The following CCNG1 variants were observed in gnomAD, a reference collection of about 807,000 sequenced individuals.
CCNG1 encodes the protein cyclin G1, also known as cyclin-G1.
CCNG1 carries 13 observed loss-of-function variants against 30.0 expected under a neutral mutation model. The observed-to-expected ratio is 0.43, with a 90% CI of 0.28 to 0.69. The LOEUF is 0.69. CCNG1 is among the 30% of genes least tolerant of loss of function. The probability of loss-of-function intolerance (pLI) is 0.16; values close to 1 mark genes in which losing one functional copy is unlikely to be tolerated. For synonymous variants in CCNG1, 110 were observed against 121.5 expected, an observed-to-expected ratio of 0.91 and a Z score of 0.62; for missense variants, 285 against 331.4, an observed-to-expected ratio of 0.86 and a Z score of 1.09.
chr5:163,440,085 C>A (rs1045848091), intron 2 of CCNG1, among the ~76,000 whole-genome samples: 1 of 151,468 alleles, frequency 6.6e-6, no homozygotes, highest in Non-Finnish European at 1.5e-5. Flanking sequence ...TTAACTGTTA[C>A]AAATGCATCT....
chr5:163,451,367 T>C, the CCNG1 span: 1 of 152,168 alleles, frequency 6.6e-6, no homozygotes, highest in Non-Finnish European at 1.5e-5. Context: ...GATCAGTGGT[T>C]TCCAAGGTTT....
the CCNG1 span, chr5:163,453,975 C>A: frequency 6.5e-7 from 1 of 1,528,728 alleles, no homozygotes; most frequent in Non-Finnish European, 8.8e-7. Flanking sequence ...AGTTATTTCT[C>A]AAGGTTTGAG....
rs1286219277 is a variant in CCNG1, at chr5:163,439,276, C to A, written c.20C>A (p.Thr7Lys). Residue 7 changes from threonine to lysine, a missense_variant, in exon 2 of 7, where the codon ACA becomes AAA. Physicochemically the swap from Thr to Lys is moderately conservative, Grantham distance 78. Transcript: ENST00000340828. MIEVLT[T>K]TDSQKLLHQL... ...ATATAGATGATAGAGGTACTGACAA[C>A]AACTGACTCTCAGAAACTGCTACAC... The A allele has an allele frequency of 6.2e-7, 1 of 1,613,462 alleles. No homozygotes were observed. Among genetic ancestry groups the A allele is most frequent in the East Asian group, 2.2e-5 (1 of 44,882 alleles).
the CCNG1 span, among the ~76,000 whole-genome samples, chr5:163,456,618 C>G: frequency 6.6e-6 from 1 of 152,004 alleles, no homozygotes; most frequent in Admixed American, 6.6e-5. Flanking sequence ...GTGAAGGGGC[C>G]TTTCACTTTT....
At chr5:163,441,616 ATATT>A in intron 3 of CCNG1, 1 of 478,852 alleles carries the variant, frequency 2.1e-6, no homozygotes, top group Non-Finnish European at 3.6e-6. Flanking sequence ...GGATGTTGAA[ATATT>A]TATTAAAACT....
chr5:163,446,176 T>C (rs1256853001), downstream of CCNG1: 1 of 152,228 alleles, frequency 6.6e-6, no homozygotes, highest in East Asian at 1.9e-4. Flanking sequence ...TTAGACTTAT[T>C]TAATAATGTT....
Position 163,442,138 on chromosome 5 carries a change from T to C in CCNG1, c.691T>C (p.Ser231Pro). The change falls in exon 5 of 7, where the codon TCC becomes CCC. Residue 231 changes from serine (S) to proline (P), a missense_variant. Coordinates refer to ENST00000340828, the MANE Select transcript of CCNG1 (RefSeq NM_004060.4). ...AGGAATAGAATGTCTTCAGAAACAT[T>C]CCAAGGTATGTGAAGGACATAGCCT... ...TEGIECLQKH[S>P]KINGRDLTFW... 4 of 1,597,350 alleles carry C rather than the reference T, an allele frequency of 2.5e-6. No homozygotes were observed. Among genetic ancestry groups the C allele is most frequent in the Non-Finnish European group, 3.4e-6 (4 of 1,165,998 alleles).
downstream of CCNG1, chr5:163,447,995 T>C (rs1758081815): frequency 6.6e-6 from 1 of 152,004 alleles, no homozygotes; most frequent in Non-Finnish European, 1.5e-5. Flanking sequence ...GCTCCCACTT[T>C]AAGAAAGTAG....
chr5:163,439,630 C>G, intron 2 of CCNG1, 110 bp downstream of exon 2: 1 of 854,154 alleles, frequency 1.2e-6, no homozygotes, highest in Non-Finnish European at 1.8e-6. Flanking sequence ...CAGCACGTAG[C>G]CAAAACATTA....
intron 6 of CCNG1, among the ~76,000 whole-genome samples, chr5:163,442,851 T>C (rs922622284): frequency 1.3e-5 from 2 of 152,214 alleles, no homozygotes; most frequent in Admixed American, 6.5e-5. Flanking sequence ...ACTAAAATCA[T>C]GCTTTTTTTT....
downstream of CCNG1, chr5:163,450,432 T>C (rs967301209): frequency 6.6e-6 from 1 of 152,142 alleles, no homozygotes; most frequent in African/African-American, 2.4e-5. Flanking sequence ...TTACAAATCA[T>C]ATACCTGGTA....
In CCNG1 at chr5:163,439,389, C is replaced by T. The variant is rs1402166474; in HGVS notation, c.133C>T (p.Leu45Phe). 2 of 1,614,048 alleles carry T rather than the reference C, an allele frequency of 1.2e-6. No homozygotes were observed. Among genetic ancestry groups the T allele is most frequent in the East Asian group, 2.2e-5 (1 of 44,886 alleles). The part of the protein sequence containing the change: ...RLIESAHDNG[L>F]RMTARLRDFE... Reference sequence around the variant, plus strand: ...AATTGAGTCTGCACACGATAATGGCCTCAGAATGACTGCAAGACTAAGGGA... The same window carrying T: ...AATTGAGTCTGCACACGATAATGGCTTCAGAATGACTGCAAGACTAAGGGA... Residue 45 changes from leucine to phenylalanine, a missense_variant, in exon 2 of 7, where the codon CTC becomes TTC. Leu to Phe is a conservative substitution (Grantham distance 22). Transcript: ENST00000340828.
At position 163,444,738 on chromosome 5, in the gene CCNG1, C is replaced by T. The variant is rs973401967; in HGVS notation, c.*1068C>T. 6.6e-6 allele frequency: 1 copy of T among 152,598 alleles called. No homozygotes were observed. The highest frequency in any genetic ancestry group is 2.4e-5 in the African/African-American group (1 of 41,448). 9.5% of individuals were successfully genotyped at this position (152,598 alleles called of 1,614,324 possible). A position where few individuals can be genotyped will look rare whatever the true frequency, so the allele number is the denominator to read the frequency against. On this transcript the variant is annotated 3_prime_UTR_variant, in exon 7 of 7. Transcript: ENST00000340828. ...AAGTGTTGTAAACAGTTACTCAGTG[C>T]AATGTATAGCCTGAGTCTATCCATG...
intron 1 of CCNG1, among the ~76,000 whole-genome samples, chr5:163,438,745 C>A (rs1369269326): frequency 1.3e-5 from 2 of 152,134 alleles, no homozygotes; most frequent in South Asian, 4.1e-4. Flanking sequence ...AGCATGGTTC[C>A]GACCGGGCGC....
At position 163,444,616 on chromosome 5, in the gene CCNG1, A is replaced by G. The variant is rs896519936; in HGVS notation, c.*946A>G. The G allele has an allele frequency of 7.2e-5, 11 of 152,638 alleles. No homozygotes were observed. The highest frequency in any genetic ancestry group is 2.7e-4 in the African/African-American group (11 of 41,444). 9.5% of individuals were successfully genotyped at this position (152,638 alleles called of 1,614,324 possible). A position where few individuals can be genotyped will look rare whatever the true frequency, so the allele number is the denominator to read the frequency against. On this transcript the variant is annotated 3_prime_UTR_variant, in exon 7 of 7. Coordinates refer to ENST00000340828, the MANE Select transcript of CCNG1 (RefSeq NM_004060.4). ...ACTGTGCCAAAACAAAAATCTTAAG[A>G]AAAGCAAGTAGACACCTTCATAACT...
At chr5:163,448,310 AT>A (rs1758093614), downstream of CCNG1, 1 of 152,154 alleles carries the variant, frequency 6.6e-6, no homozygotes, top group Non-Finnish European at 1.5e-5. Context: ...CTCTGGCAAA[AT>A]TGACAAAAAA....
At chr5:163,445,259 A>C (rs1438515302), downstream of CCNG1, among the ~76,000 whole-genome samples, 1 of 152,142 alleles carries the variant, frequency 6.6e-6, no homozygotes, top group Non-Finnish European at 1.5e-5. Context: ...TTTAGTACTA[A>C]AGTTAGATGC....
At position 163,444,911 on chromosome 5, in the gene CCNG1, T is replaced by C. The variant is rs893481582; in HGVS notation, c.*1241T>C. On this transcript the variant is annotated 3_prime_UTR_variant, in exon 7 of 7. Transcript: ENST00000340828. The stretch of plus-strand genomic sequence containing the variant: ...CAAAAGGCTGATAAATTTCAATATT[T>C]TGAATACATCATTGTTAATTTTGAG... 6.6e-6 allele frequency: 1 copy of C among 152,656 alleles called. No homozygotes were observed. The highest frequency in any genetic ancestry group is 2.4e-5 in the African/African-American group (1 of 41,456). The allele number at this position is 152,656 out of a possible 1,614,324, so 9.5% of individuals were successfully genotyped here.
chr5:163,439,687 G>A (rs1757710039), intron 2 of CCNG1, 167 bp downstream of exon 2: 1 of 586,848 alleles, frequency 1.7e-6, no homozygotes, highest in African/African-American at 1.9e-5. Context: ...ATCAAGAGTA[G>A]TACATCAGGT....
Sources: allele counts gnomAD v4.1 joint callset (sites outside exome capture counted in the v4.1 genomes callset), GRCh38; gene constraint gnomAD v4.1.1; transcripts MANE v1.5; gene names NCBI Gene and HGNC (gene_info 2026-07-23, HGNC 2026-07-21).